CAPN7: variants seen among roughly 807,000 people sequenced by gnomAD.
The protein encoded by CAPN7 is calpain 7.
CAPN7 carries 72 observed loss-of-function variants against 115.2 expected under a neutral mutation model. The observed-to-expected ratio is 0.63, with a 90% CI of 0.52 to 0.76. The LOEUF is 0.76. Ranked by LOEUF, CAPN7 falls within the 30% of genes least tolerant of loss-of-function variation. The pLI is 0.00. For synonymous variants in CAPN7, 344 were observed against 322.3 expected (o/e 1.07, Z -0.72); for missense variants, 905 against 971.5 (o/e 0.93, Z 0.91).
rs1695989048 is a variant in CAPN7, at chr3:15,251,228, A to G, written c.2410A>G (p.Ile804Val). 6.2e-7 allele frequency: 1 copy of G among 1,604,870 alleles called. No homozygotes were observed. Residue 804 changes from isoleucine to valine, a missense_variant, in exon 21 of 21, where the codon ATT becomes GTT. Coordinates refer to ENST00000253693, the MANE Select transcript of CAPN7 (RefSeq NM_014296.3). ...ACCTTTTTTCTTGGACTTTAATAGT[A>G]TTATCCCCATCAAGATCACACAACT... ...EGPFFLDFNS[I>V]IPIKITQLQ
At chr3:15,245,130 A>C (rs188300873) in intron 16 of CAPN7, among the ~76,000 whole-genome samples, 2 of 151,634 alleles carry the variant, frequency 1.3e-5, no homozygotes, top group Admixed American at 1.3e-4. Context: ...AAAAAAGTTA[A>C]TTTAAACCTG....
In CAPN7 at chr3:15,251,249, C is replaced by G. The variant is rs550450073; in HGVS notation, c.2431C>G (p.Gln811Glu). ...TAGTATTATCCCCATCAAGATCACA[C>G]AACTTCAGTGATGGAGAAATCTCAA... The part of the protein sequence containing the change: ...FNSIIPIKIT[Q>E]LQ The change falls in exon 21 of 21, where the codon CAA (glutamine) becomes GAA (glutamate). Residue 811 changes from glutamine to glutamate, a missense_variant. Physicochemically the swap from Gln to Glu is conservative, Grantham distance 29 (BLOSUM62 2). Around this residue, in one of 3 missense-constraint regions of CAPN7, gnomAD observed 620 missense variants for 703.4 expected, o/e 0.88. Transcript: ENST00000253693. The G allele has an allele frequency of 6.3e-7, 1 of 1,587,372 alleles. No homozygotes were observed. The highest frequency in any genetic ancestry group is 1.9e-5 in the Admixed American group (1 of 51,452).
chr3:15,213,025 T>G (rs1435409538), intron 2 of CAPN7, among the ~76,000 whole-genome samples: 1 of 152,240 alleles, frequency 6.6e-6, no homozygotes, highest in East Asian at 1.9e-4. Context: ...ACAAGGCGGT[T>G]TACTTTTAAT....
rs745981223 is a variant in CAPN7, at chr3:15,228,957, ATTATTC to A, written c.853-11_853-6del. ...TACGTGAATGAATATGAATATGTTA[ATTATTC>A]TTATTAACAGACAATAGTATCGGAT... is the stretch of plus-strand genomic sequence containing the variant. On this transcript the variant is annotated splice_polypyrimidine_tract_variant and intron_variant, in intron 7 of 20. Transcript: ENST00000253693. 2.6e-6 allele frequency: 4 copies of A among 1,567,400 alleles called. No homozygotes were observed. The highest frequency in any genetic ancestry group is 2.6e-6 in the Non-Finnish European group (3 of 1,139,450).
intron 4 of CAPN7, 60 bp from the exon 5 acceptor site, chr3:15,220,721 C>A: frequency 6.6e-7 from 1 of 1,517,792 alleles, no homozygotes; most frequent in East Asian, 2.3e-5. Context: ...ATTTTGTTTC[C>A]TGAAAAGCTT....
intron 2 of CAPN7, among the ~76,000 whole-genome samples, chr3:15,212,518 T>C (rs1337774638): frequency 6.6e-6 from 1 of 152,240 alleles, no homozygotes; most frequent in African/African-American, 2.4e-5. Context: ...AGTTAAAGTC[T>C]GCTTTTAAAA....
intron 1 of CAPN7, among the ~76,000 whole-genome samples, chr3:15,210,318 A>G (rs1313709668): frequency 6.6e-6 from 1 of 151,898 alleles, no homozygotes; most frequent in Non-Finnish European, 1.5e-5. Context: ...TAATAATCAC[A>G]TACAAGATAA....
At chr3:15,234,424 G>C (rs907801162) in intron 11 of CAPN7, among the ~76,000 whole-genome samples, 2 of 151,862 alleles carry the variant, frequency 1.3e-5, no homozygotes, top group Non-Finnish European at 2.9e-5. Flanking sequence ...TTTTAAAATA[G>C]ACTTCACATT....
chr3:15,217,400 C>T lies in CAPN7; in HGVS notation c.212-25C>T, dbSNP rs556901444. 484 of 1,559,748 alleles carry T rather than the reference C, an allele frequency of 3.1e-4. 3 individuals are homozygous for T. The African/African-American group carries it at 6.0e-3, about 19-fold the overall frequency. On this transcript the variant is annotated intron_variant, in intron 2 of 20. Transcript: ENST00000253693. Reference sequence around the variant, plus strand: ...TGGCTGTATTTAGATAATACTCCTTCTGCGTATTTTTTTTTCTATCCTAGT... The same window carrying T: ...TGGCTGTATTTAGATAATACTCCTTTTGCGTATTTTTTTTTCTATCCTAGT...
At chr3:15,228,853 T>C in intron 7 of CAPN7, 121 bp from the exon 8 acceptor site, 2 of 701,584 alleles carry the variant, frequency 2.9e-6, no homozygotes, top group Non-Finnish European at 4.8e-6. Flanking sequence ...GAACCTAAAA[T>C]AGAAGTTTTA....
rs925040166 is a variant in CAPN7 at position 15,249,647 on chromosome 3, T to C, written c.2205-1284T>C. Among the ~76,000 whole-genome samples the C allele has an allele frequency of 4.6e-5, 7 of 152,354 alleles. No homozygotes were observed. In the South Asian group the frequency reaches 8.3e-4, roughly 18 times the overall value. On this transcript the variant is annotated intron_variant, in intron 19 of 20. Coordinates refer to ENST00000253693, the MANE Select transcript of CAPN7 (RefSeq NM_014296.3). ...ACCTCATCACCATCTAAATGAATCT[T>C]TCCTTACTGATTTGGAATGCCACGT...
At position 15,229,521 on chromosome 3, in the gene CAPN7, G is replaced by A. The variant is rs143492702; in HGVS notation, c.938+462G>A. 5.2e-3 allele frequency among the ~76,000 whole-genome samples: 722 copies of A among 138,700 alleles called. 3 individuals are homozygous for A. Among genetic ancestry groups the A allele is most frequent in the Middle Eastern group, 7.9e-3 (2 of 254 alleles). The allele number at this position is 138,700 out of a possible 152,430, so 91.0% of individuals were successfully genotyped here. A position where few individuals can be genotyped will look rare whatever the true frequency, so the allele number is the denominator to read the frequency against. ...TGATTATATGTTAAAATCATATTTC[G>A]ATTTGTGATTAAAACATCAAAATTG... On this transcript the variant is annotated intron_variant, in intron 8 of 20. Coordinates refer to ENST00000253693, the MANE Select transcript of CAPN7 (RefSeq NM_014296.3).
At chr3:15,218,374 A>T in intron 3 of CAPN7, 99 bp from the exon 4 acceptor site, 2 of 732,770 alleles carry the variant, frequency 2.7e-6, no homozygotes, top group Non-Finnish European at 4.7e-6. Flanking sequence ...AATTTCAGCA[A>T]GTGTAATATG....
At position 15,206,554 on chromosome 3, in the gene CAPN7, G is replaced by A. The variant is rs1369779858; in HGVS notation, c.59G>A (p.Arg20His). 2.6e-6 allele frequency: 4 copies of A among 1,555,798 alleles called. No individual in the cohort carries two copies. In the East Asian group the frequency reaches 7.2e-5, roughly 28 times the overall value. The change falls in exon 1 of 21, where the codon CGC (arginine) becomes CAC (histidine). Residue 20 changes from arginine (R) to histidine (H), a missense_variant. Physicochemically the swap from Arg to His is conservative, Grantham distance 29. Transcript: ENST00000253693. Reference sequence around the variant, plus strand: ...CAGTTCGCCCGTCTGGCGGTTCAGCGCGACCACGAAGGCCGCTACTCCGAG... The same window carrying A: ...CAGTTCGCCCGTCTGGCGGTTCAGCACGACCACGAAGGCCGCTACTCCGAG... ...AVQFARLAVQRDHEGRYSEAV... is the reference protein window; with the variant it reads ...AVQFARLAVQHDHEGRYSEAV...
At chr3:15,235,909 C>T (rs550763425) in intron 12 of CAPN7, among the ~76,000 whole-genome samples, 1 of 152,246 alleles carries the variant, frequency 6.6e-6, no homozygotes, top group South Asian at 2.1e-4. Flanking sequence ...AATCCCGATA[C>T]TTTGGGAAGC....
Position 15,228,957 on chromosome 3 carries a change from A to C in CAPN7, c.853-17A>C. ...TACGTGAATGAATATGAATATGTTA[A>C]TTATTCTTATTAACAGACAATAGTA... On this transcript the variant is annotated splice_polypyrimidine_tract_variant and intron_variant, in intron 7 of 20. Transcript: ENST00000253693. The C allele has an allele frequency of 6.4e-7, 1 of 1,567,400 alleles. No homozygotes were observed. Among genetic ancestry groups the C allele is most frequent in the East Asian group, 2.2e-5 (1 of 44,492 alleles).
intron 12 of CAPN7, among the ~76,000 whole-genome samples, chr3:15,238,259 G>A (rs1037608498): frequency 4.0e-5 from 6 of 151,076 alleles, no homozygotes; most frequent in Admixed American, 3.3e-4. Context: ...GACTACAGGC[G>A]CCCCACCACC....
In CAPN7 at chr3:15,221,071, G is replaced by C; in HGVS notation, c.638+90G>C. 4.1e-6 allele frequency: 4 copies of C among 984,042 alleles called. No individual in the cohort carries two copies. The South Asian group carries it at 4.3e-5, about 11-fold the overall frequency. 61.0% of individuals were successfully genotyped at this position (984,042 alleles called of 1,614,324 possible). A position where few individuals can be genotyped will look rare whatever the true frequency, so the allele number is the denominator to read the frequency against. ...CATTAGGTTTGCTGAATTGTATTCA[G>C]ATTTCTCCTATAGTGTATTGTGCTG... On this transcript the variant is annotated intron_variant, in intron 5 of 20. Transcript: ENST00000253693.
chr3:15,241,924 C>T (rs1695372913), intron 15 of CAPN7, among the ~76,000 whole-genome samples: 1 of 152,110 alleles, frequency 6.6e-6, no homozygotes, highest in South Asian at 2.1e-4. Flanking sequence ...AGTCTTGATT[C>T]TGTAAAGGTT....
Sources: allele counts gnomAD v4.1 joint callset (sites outside exome capture counted in the v4.1 genomes callset), GRCh38; gene constraint gnomAD v4.1.1; regional missense constraint gnomAD v4.1.1; transcripts MANE v1.5; gene names NCBI Gene and HGNC (gene_info 2026-07-23, HGNC 2026-07-21).